Variants in CTNNA3 observed in about 807,000 individuals in gnomAD.
CTNNA3 encodes the protein catenin alpha-3.
Under a neutral mutation model 95.7 loss-of-function variants are expected in CTNNA3, and 76 were observed. That is an observed-to-expected ratio of 0.79 (90% CI 0.66 to 0.96). The LOEUF is 0.96. CTNNA3 is among the 40% of genes least tolerant of loss of function. The pLI is 0.00. For missense variants in CTNNA3, 1,191 were observed against 1,089.8 expected, an observed-to-expected ratio of 1.09 and a Z score of -1.31; for synonymous variants, 431 against 374.4, an observed-to-expected ratio of 1.15 and a Z score of -1.74.
intron 7 of CTNNA3, among the ~76,000 whole-genome samples, chr10:66,923,238 G>A (rs564693035): frequency 8.4e-4 from 128 of 152,256 alleles, no homozygotes; most frequent in African/African-American, 2.6e-3. Flanking sequence ...AATATTCACC[G>A]TAAATAATTC....
intron 7 of CTNNA3, among the ~76,000 whole-genome samples, chr10:66,838,204 G>C (rs1842942878): frequency 6.6e-6 from 1 of 152,082 alleles, no homozygotes. Context: ...TAGGGAGAGG[G>C]AGTGAGACCA....
At chr10:66,489,092 T>C (rs920371227) in intron 11 of CTNNA3, among the ~76,000 whole-genome samples, 2 of 152,174 alleles carry the variant, frequency 1.3e-5, no homozygotes, top group African/African-American at 4.8e-5. Context: ...AATCAAAGAC[T>C]ACTACATACA....
chr10:66,511,640 T>A (rs905732456), intron 11 of CTNNA3, among the ~76,000 whole-genome samples: 9 of 152,038 alleles, frequency 5.9e-5, no homozygotes, highest in African/African-American at 2.2e-4. Context: ...TTCAGGAGAA[T>A]GTTGTTTAAT....
intron 11 of CTNNA3, among the ~76,000 whole-genome samples, chr10:66,402,031 G>A (rs1055316944): frequency 3.9e-5 from 6 of 151,948 alleles, no homozygotes; most frequent in African/African-American, 1.5e-4. Flanking sequence ...AGGTTAAAAT[G>A]CTCAAAGTGG....
chr10:66,523,679 T>C (rs1841149285), intron 10 of CTNNA3, among the ~76,000 whole-genome samples: 1 of 152,210 alleles, frequency 6.6e-6, no homozygotes, highest in African/African-American at 2.4e-5. Context: ...CTGATAATTA[T>C]CTAGTCTGTC....
intron 10 of CTNNA3, among the ~76,000 whole-genome samples, chr10:66,525,516 C>T (rs74141575): frequency 0.029 from 4,442 of 152,022 alleles, 232 homozygotes; most frequent in African/African-American, 0.1. Flanking sequence ...TCTTCTATAA[C>T]AATATTATAC....
intron 13 of CTNNA3, among the ~76,000 whole-genome samples, chr10:66,125,753 G>A (rs1185800678): frequency 6.6e-6 from 1 of 152,144 alleles, no homozygotes; most frequent in African/African-American, 2.4e-5. Flanking sequence ...CACCTGAAAA[G>A]GCTACAGACT....
chr10:67,134,735 G>A (rs762883382), intron 7 of CTNNA3, among the ~76,000 whole-genome samples: 1 of 152,106 alleles, frequency 6.6e-6, no homozygotes, highest in Non-Finnish European at 1.5e-5. Context: ...CAAATTAAAA[G>A]CAACTTTAAA....
At chr10:67,225,360 A>G (rs1203845058) in intron 5 of CTNNA3, among the ~76,000 whole-genome samples, 1 of 152,138 alleles carries the variant, frequency 6.6e-6, no homozygotes, top group Non-Finnish European at 1.5e-5. Flanking sequence ...GTTCCTCTCC[A>G]TACTACCACA....
At chr10:67,547,841 T>A (rs1036951176) in intron 3 of CTNNA3, among the ~76,000 whole-genome samples, 1 of 152,178 alleles carries the variant, frequency 6.6e-6, no homozygotes, top group Non-Finnish European at 1.5e-5. Context: ...GTGTAAGACT[T>A]GTACACTGAA....
At chr10:66,339,792 C>G (rs553953634) in intron 12 of CTNNA3, among the ~76,000 whole-genome samples, 9 of 151,900 alleles carry the variant, frequency 5.9e-5, no homozygotes, top group African/African-American at 2.2e-4. Flanking sequence ...ATTCTAGTAA[C>G]TAGACTTCTG....
intron 7 of CTNNA3, among the ~76,000 whole-genome samples, chr10:67,066,688 CA>C (rs1432648431): frequency 6.6e-6 from 1 of 152,100 alleles, no homozygotes; most frequent in Non-Finnish European, 1.5e-5. Context: ...AATTGTTAAA[CA>C]AATATTATCC....
intron 9 of CTNNA3, 98 bp from the exon 10 acceptor site, chr10:66,621,882 T>G: frequency 1.7e-6 from 1 of 581,840 alleles, no homozygotes; most frequent in East Asian, 3.2e-5. Context: ...TCATCAAGAA[T>G]CTCAATGACA....
At chr10:66,462,115 T>C (rs926409867) in intron 11 of CTNNA3, among the ~76,000 whole-genome samples, 3 of 152,072 alleles carry the variant, frequency 2.0e-5, no homozygotes, top group Non-Finnish European at 2.9e-5. Flanking sequence ...CAGCCATGTG[T>C]CTCCAATTAT....
chr10:67,333,817 CACTT>C (rs1359256274), intron 5 of CTNNA3, among the ~76,000 whole-genome samples: 6 of 152,102 alleles, frequency 3.9e-5, no homozygotes, highest in African/African-American at 1.4e-4. Context: ...TTATACATGG[CACTT>C]ACTTTCATCT....
intron 10 of CTNNA3, among the ~76,000 whole-genome samples, chr10:66,559,426 G>A (rs1842485448): frequency 8.2e-6 from 1 of 121,556 alleles, no homozygotes; most frequent in South Asian, 2.7e-4. Context: ...AGGACATTTT[G>A]CAATGTTGCA....
chr10:66,057,290 A>G (rs755047565), intron 15 of CTNNA3, among the ~76,000 whole-genome samples: 2 of 152,106 alleles, frequency 1.3e-5, no homozygotes, highest in African/African-American at 2.4e-5. Flanking sequence ...AACACCTAAA[A>G]TCTCTGAAGA....
At chr10:67,587,193 T>TGTGTGTG (rs1842653827) in intron 3 of CTNNA3, among the ~76,000 whole-genome samples, 4 of 130,064 alleles carry the variant, frequency 3.1e-5, no homozygotes, top group Non-Finnish European at 4.9e-5. Context: ...CCCAGCTAAC[T>TGTGTGTG]TGTGTGTGTG....
intron 1 of CTNNA3, among the ~76,000 whole-genome samples, chr10:67,737,059 G>A (rs928308548): frequency 6.6e-6 from 1 of 151,758 alleles, no homozygotes; most frequent in Non-Finnish European, 1.5e-5. Context: ...CACCTCCCAG[G>A]TTCAAGTGAT....
Sources: allele counts gnomAD v4.1 joint callset (sites outside exome capture counted in the v4.1 genomes callset), GRCh38; gene constraint gnomAD v4.1.1; transcripts MANE v1.5; gene names NCBI Gene and HGNC (gene_info 2026-07-23, HGNC 2026-07-21).